The following ZNF445 variants were observed in gnomAD, a reference collection of about 807,000 sequenced individuals.
ZNF445 encodes zinc finger protein 168.
In ZNF445, 19 loss-of-function variants were observed where a neutral mutation model predicts 93.9. The ratio of observed to expected loss-of-function variants is 0.20; its 90% CI spans 0.14 to 0.30. The LOEUF is 0.30. Ranked by LOEUF, ZNF445 falls within the 10% of genes least tolerant of loss-of-function variation. The pLI is 1.00. For synonymous variants in ZNF445, 449 were observed against 446.3 expected (o/e 1.01, Z -0.08); for missense variants, 1,058 against 1,259.4 (o/e 0.84, Z 2.42).
At position 44,436,625 on chromosome 3, in the gene ZNF445, C is replaced by A. The variant is rs896006040; in HGVS notation, c.*9950G>T. ...TTCTCGCATTTCAACTCATTCAGTG[C>A]AGGTTATGTTTGCATTCGTGTTTTT... On this transcript the variant is annotated 3_prime_UTR_variant, in exon 8 of 8. Coordinates refer to ENST00000396077, the MANE Select transcript of ZNF445 (RefSeq NM_181489.6). The A allele has an allele frequency of 1.3e-5, 2 of 152,136 alleles. No homozygotes were observed. Among genetic ancestry groups the A allele is most frequent in the African/African-American group, 2.4e-5 (1 of 41,444 alleles). The allele number at this position is 152,136 out of a possible 1,614,324, so 9.4% of individuals were successfully genotyped here. A position where few individuals can be genotyped will look rare whatever the true frequency, so the allele number is the denominator to read the frequency against.
intron 1 of ZNF445, among the ~76,000 whole-genome samples, chr3:44,462,738 A>T (rs2125683115): frequency 6.6e-6 from 1 of 152,272 alleles, no homozygotes; most frequent in South Asian, 2.1e-4. Context: ...GTCCATGGCT[A>T]AGTTACAACA....
chr3:44,439,019 A>AC lies in ZNF445; in HGVS notation c.*7555_*7556insG, dbSNP rs1378952743. ...GTACCCTAAAAGTATAAAAAAAAAA[A>AC]AAACAAGGACTCCAGGCATGGTGGC... On this transcript the variant is annotated 3_prime_UTR_variant, in exon 8 of 8. Coordinates refer to ENST00000396077, the MANE Select transcript of ZNF445 (RefSeq NM_181489.6). 4 of 151,496 alleles carry AC rather than the reference A, an allele frequency of 2.6e-5. No homozygotes were observed. The highest frequency in any genetic ancestry group is 2.1e-4 in the South Asian group (1 of 4,764). 9.4% of individuals were successfully genotyped at this position (151,496 alleles called of 1,614,324 possible).
rs1256485534 is a variant in ZNF445, at chr3:44,433,867, A to G, written c.*12708T>C. The G allele has an allele frequency of 6.6e-6, 1 of 152,204 alleles. No homozygotes were observed. The highest frequency in any genetic ancestry group is 1.5e-5 in the Non-Finnish European group (1 of 68,084). The allele number at this position is 152,204 out of a possible 1,614,324, so 9.4% of individuals were successfully genotyped here. On this transcript the variant is annotated 3_prime_UTR_variant, in exon 8 of 8. Transcript: ENST00000396077. ...AATGGTCTTGAACATCATGCACTGC[A>G]CCTGGCAAAATAGCCGGTCCTGATC...
At position 44,444,959 on chromosome 3, in the gene ZNF445, G is replaced by C. The variant is rs1044246209; in HGVS notation, c.*1616C>G. On this transcript the variant is annotated 3_prime_UTR_variant, in exon 8 of 8. Transcript: ENST00000396077. ...AATCAGAAGCAATGATTACTCACAT[G>C]CTTTAGCAATATCACTCCTTTGCCT... is the stretch of plus-strand genomic sequence containing the variant. The C allele has an allele frequency of 1.3e-5, 2 of 152,220 alleles. No homozygotes were observed. The allele number at this position is 152,220 out of a possible 1,614,324, so 9.4% of individuals were successfully genotyped here. A position where few individuals can be genotyped will look rare whatever the true frequency, so the allele number is the denominator to read the frequency against.
rs767389844 is a variant in ZNF445, at chr3:44,446,980, T to C, written c.2691A>G (p.Lys897=). Residue 897 remains lysine, a synonymous_variant, in exon 8 of 8, where the codon AAA becomes AAG. Transcript: ENST00000396077. This position sits in a 1 kb window ranked among gnomAD's most constrained non-coding sequence, Gnocchi z 4.2. ...QRIHSTERPF[K]CQWCGKEFIG... is the part of the protein sequence containing the mutation. Reference sequence around the variant, plus strand: ...TGAACTCTTTCCCACACCACTGACATTTGAAAGGTCTCTCTGTAGAGTGGA... The same window carrying C: ...TGAACTCTTTCCCACACCACTGACACTTGAAAGGTCTCTCTGTAGAGTGGA... The C allele has an allele frequency of 3.7e-6, 6 of 1,614,054 alleles. No individual in the cohort carries two copies. The East Asian group carries it at 8.9e-5, about 24-fold the overall frequency.
At chr3:44,457,409 C>T (rs888877286) in intron 2 of ZNF445, among the ~76,000 whole-genome samples, 1 of 151,982 alleles carries the variant, frequency 6.6e-6, no homozygotes, top group Non-Finnish European at 1.5e-5. Context: ...GGAGGTGAGA[C>T]TACAGGCATG....
intron 7 of ZNF445, 55 bp from the exon 8 acceptor site, chr3:44,448,794 A>G: frequency 6.5e-7 from 1 of 1,544,678 alleles, no homozygotes; most frequent in Non-Finnish European, 8.7e-7. Context: ...TTGGAACTGC[A>G]GAAAGCACCA....
chr3:44,456,031 C>A (rs1418061040), intron 2 of ZNF445, among the ~76,000 whole-genome samples: 1 of 152,216 alleles, frequency 6.6e-6, no homozygotes, highest in African/African-American at 2.4e-5. Context: ...CATTTATCTA[C>A]AGGTCTAATG....
rs1194876607 is a variant in ZNF445 at position 44,442,701 on chromosome 3, C to T, written c.*3874G>A. The stretch of plus-strand genomic sequence containing the variant: ...AAGGGTTGGAAGGAAACTGAATGTT[C>T]TCCAGGCCAGGATGAGATGCAAGAT... On this transcript the variant is annotated 3_prime_UTR_variant, in exon 8 of 8. Coordinates refer to ENST00000396077, the MANE Select transcript of ZNF445 (RefSeq NM_181489.6). 7 of 152,232 alleles carry T rather than the reference C, an allele frequency of 4.6e-5. No individual in the cohort carries two copies. Among genetic ancestry groups the T allele is most frequent in the Admixed American group, 4.6e-4 (7 of 15,282 alleles). The allele number at this position is 152,232 out of a possible 1,614,324, so 9.4% of individuals were successfully genotyped here.
rs770776503 is a variant in ZNF445 at position 44,448,349 on chromosome 3, A to G, written c.1322T>C (p.Ile441Thr). The G allele has an allele frequency of 4.5e-5, 72 of 1,614,008 alleles. No individual in the cohort carries two copies. The highest frequency in any genetic ancestry group is 3.3e-4 in the Middle Eastern group (2 of 6,084). Residue 441 changes from isoleucine (I) to threonine (T), a missense_variant, in exon 8 of 8, where the codon ATT (isoleucine) becomes ACT (threonine). Physicochemically the swap from Ile to Thr is moderately conservative, Grantham distance 89. Transcript: ENST00000396077. The part of the protein sequence containing the change: ...KKYGKGLRHM[I>T]GGFSLHQRIH... ...TCTCTGATGTAGGCTGAAGCCCCCA[A>G]TCATGTGTCTGAGCCCCTTCCCATA...
rs377308101 is a variant in ZNF445 at position 44,476,467 on chromosome 3, G to GCA, written c.-269+1122_-269+1123dup. Among the ~76,000 whole-genome samples the GCA allele has an allele frequency of 1.4e-4, 21 of 150,932 alleles. No homozygotes were observed. In the East Asian group the frequency reaches 3.7e-3, roughly 26 times the overall value. On this transcript the variant is annotated intron_variant, in intron 1 of 7. Coordinates refer to ENST00000396077, the MANE Select transcript of ZNF445 (RefSeq NM_181489.6). ...TCCCTGAATATGCACACACATGCAT[G>GCA]CACACACACACACGCAGACACACAC...
intron 1 of ZNF445, among the ~76,000 whole-genome samples, chr3:44,473,680 G>C (rs539574282): frequency 6.7e-6 from 1 of 150,020 alleles, no homozygotes; most frequent in South Asian, 2.1e-4. Flanking sequence ...AGGCTGGGGA[G>C]GGAAAAATAT....
At chr3:44,465,932 A>AAAAC (rs550737546) in intron 1 of ZNF445, among the ~76,000 whole-genome samples, 9 of 152,286 alleles carry the variant, frequency 5.9e-5, no homozygotes, top group East Asian at 1.9e-4. Flanking sequence ...ACCAAAAAAC[A>AAAAC]AAACAAACAA....
chr3:44,473,453 T>TCTCACACACACA (rs1491338197), intron 1 of ZNF445, among the ~76,000 whole-genome samples: 1 of 60,848 alleles, frequency 1.6e-5, no homozygotes, highest in Non-Finnish European at 2.9e-5. Context: ...AAACTCCACT[T>TCTCACACACACA]CACACACACA....
At position 44,450,260 on chromosome 3, in the gene ZNF445, C is replaced by T; in HGVS notation, c.820+187G>A. 3 of 674,998 alleles carry T rather than the reference C, an allele frequency of 4.4e-6. No homozygotes were observed. The South Asian group carries it at 5.5e-5, about 12-fold the overall frequency. The allele number at this position is 674,998 out of a possible 1,614,324, so 41.8% of individuals were successfully genotyped here. On this transcript the variant is annotated intron_variant, in intron 6 of 7. Coordinates refer to ENST00000396077, the MANE Select transcript of ZNF445 (RefSeq NM_181489.6). The stretch of plus-strand genomic sequence containing the variant: ...AGCCACCTTTAATCTTTACAATAAT[C>T]CAGAATGGCAGGCATTATTCTCCCC...
rs916846085 is a variant in ZNF445, at chr3:44,433,634, G to A, written c.*12941C>T. 2 of 152,420 alleles carry A rather than the reference G, an allele frequency of 1.3e-5. No homozygotes were observed. Among genetic ancestry groups the A allele is most frequent in the African/African-American group, 2.4e-5 (1 of 41,444 alleles). The allele number at this position is 152,420 out of a possible 1,614,324, so 9.4% of individuals were successfully genotyped here. On this transcript the variant is annotated 3_prime_UTR_variant, in exon 8 of 8. Coordinates refer to ENST00000396077, the MANE Select transcript of ZNF445 (RefSeq NM_181489.6). Reference sequence around the variant, plus strand: ...GAGAAGGTTCAGGGACCAAGTTCTGGCTTCTGCCCTTAGAGGAGCCGGACC... The same window carrying A: ...GAGAAGGTTCAGGGACCAAGTTCTGACTTCTGCCCTTAGAGGAGCCGGACC...
At position 44,447,589 on chromosome 3, in the gene ZNF445, TTTC is replaced by T; in HGVS notation, c.2079_2081del (p.Lys694del). 1 of 1,614,178 alleles carries T rather than the reference TTTC, an allele frequency of 6.2e-7. No individual in the cohort carries two copies. The highest frequency in any genetic ancestry group is 8.5e-7 in the Non-Finnish European group (1 of 1,180,030). ...GAATTCTCTGGTGGTCAACGAGAGT[TTTC>T]TTTCTAGTAAAAGTTTTCCCACACT... On this transcript the variant is annotated inframe_deletion, in exon 8 of 8. Coordinates refer to ENST00000396077, the MANE Select transcript of ZNF445 (RefSeq NM_181489.6). The surrounding 1 kb of genome is among the most constrained non-coding windows in gnomAD (Gnocchi z 4.7).
chr3:44,473,731 TAAAA>T (rs11289249), intron 1 of ZNF445, among the ~76,000 whole-genome samples: 1 of 133,568 alleles, frequency 7.5e-6, no homozygotes, highest in Non-Finnish European at 1.6e-5. Flanking sequence ...AAGGAAGGAC[TAAAA>T]AAAAAAAAAA....
At chr3:44,468,218 T>C (rs2372689) in intron 1 of ZNF445, among the ~76,000 whole-genome samples, 109,163 of 151,976 alleles carry the variant, frequency 0.72, 39,770 homozygotes, top group East Asian at 1. Context: ...CCTTCATAAC[T>C]TACACCTTAT....
Sources: gnomAD v4.1 joint callset for allele counts (sites outside exome capture counted in the v4.1 genomes callset) on GRCh38, gnomAD v4.1.1 for gene constraint, Gnocchi (gnomAD v3.1) non-coding constraint, MANE v1.5 for transcripts, NCBI Gene and HGNC (gene_info 2026-07-23, HGNC 2026-07-21) for gene names.